Variants in SDC2 observed in about 807,000 individuals in gnomAD.
The protein encoded by SDC2 is syndecan 2.
Under a neutral mutation model 22.2 loss-of-function variants are expected in SDC2, and 13 were observed. That is an observed-to-expected ratio of 0.59 (90% CI 0.38 to 0.93). SDC2 has a LOEUF of 0.93. SDC2 is among the 40% of genes least tolerant of loss of function. The pLI is 0.00. For synonymous variants in SDC2, 94 were observed against 92.8 expected (o/e 1.01, Z -0.07); for missense variants, 235 against 246.8 (o/e 0.95, Z 0.32).
chr8:96,593,333 C>T lies in SDC2; in HGVS notation c.61-147C>T, dbSNP rs928945285. 8.4e-6 allele frequency: 5 copies of T among 594,444 alleles called. No individual in the cohort carries two copies. In the Admixed American group the frequency reaches 1.4e-4, roughly 17 times the overall value. The allele number at this position is 594,444 out of a possible 1,614,324, so 36.8% of individuals were successfully genotyped here. On this transcript the variant is annotated intron_variant, in intron 1 of 4. Transcript: ENST00000302190. ...AATTGCTGTTAAGTTGTCAGGGTGC[C>T]TGAGGAAGACTGTGGCCAGAGATGT...
At chr8:96,523,280 C>T (rs951240731) in intron 1 of SDC2, among the ~76,000 whole-genome samples, 1 of 152,138 alleles carries the variant, frequency 6.6e-6, no homozygotes. Context: ...TTAAGCTAAA[C>T]CACGAAGTTA....
intron 1 of SDC2, among the ~76,000 whole-genome samples, chr8:96,502,846 C>T (rs1488699517): frequency 6.6e-6 from 1 of 152,130 alleles, no homozygotes; most frequent in Non-Finnish European, 1.5e-5. Context: ...AGGGAATGTC[C>T]ATGCGTTGTG....
rs116752409 is a variant in SDC2, at chr8:96,519,037, C to A, written c.60+24706C>A. Among the ~76,000 whole-genome samples, 467 of 152,286 alleles carry A rather than the reference C, an allele frequency of 3.1e-3. 7 individuals carry two copies. Among genetic ancestry groups the A allele is most frequent in the African/African-American group, 0.011 (449 of 41,562 alleles). ...AAATCCAGCCTACGCTCAACAAAAT[C>A]CATCCAGACACTCCCACTACAGAGC... On this transcript the variant is annotated intron_variant, in intron 1 of 4. Coordinates refer to ENST00000302190, the MANE Select transcript of SDC2 (RefSeq NM_002998.4).
intron 1 of SDC2, among the ~76,000 whole-genome samples, chr8:96,498,747 C>G (rs1813114311): frequency 6.6e-6 from 1 of 152,224 alleles, no homozygotes; most frequent in Non-Finnish European, 1.5e-5. Context: ...GCCTCGGCCA[C>G]CCAAAGTGCT....
intron 1 of SDC2, among the ~76,000 whole-genome samples, chr8:96,520,183 C>G (rs111471093): frequency 5.6e-4 from 86 of 152,248 alleles, no homozygotes; most frequent in African/African-American, 2.0e-3. Flanking sequence ...TTGTAAAAAG[C>G]TCTCTTGAAT....
chr8:96,522,992 T>A (rs1041806669), intron 1 of SDC2, among the ~76,000 whole-genome samples: 3 of 152,300 alleles, frequency 2.0e-5, no homozygotes, highest in African/African-American at 7.2e-5. Context: ...GCTTGTTACT[T>A]GGCGTTTGGA....
intron 1 of SDC2, among the ~76,000 whole-genome samples, chr8:96,539,930 G>GC (rs1471860122): frequency 4.6e-5 from 7 of 152,118 alleles, no homozygotes; most frequent in Non-Finnish European, 1.0e-4. Flanking sequence ...CCACAGAAGG[G>GC]AACCTGCTTG....
At chr8:96,587,120 C>T (rs1030142130) in intron 1 of SDC2, among the ~76,000 whole-genome samples, 4 of 152,134 alleles carry the variant, frequency 2.6e-5, no homozygotes, top group African/African-American at 9.7e-5. Context: ...GACGGGGTTT[C>T]ACCGTCTTGG....
intron 1 of SDC2, among the ~76,000 whole-genome samples, chr8:96,503,406 A>G (rs1290814023): frequency 6.6e-6 from 1 of 152,158 alleles, no homozygotes; most frequent in Non-Finnish European, 1.5e-5. Context: ...AAACTATAGT[A>G]CACAAAAAGT....
In SDC2 at chr8:96,576,374, G is replaced by GTTTTTTTTTTTTTTTTTTTT. The variant is rs1225034584; in HGVS notation, c.61-17102_61-17101insTTTTTTTTTTTTTTTTTTTT. Among the ~76,000 whole-genome samples, 7 of 40,634 alleles carry GTTTTTTTTTTTTTTTTTTTT rather than the reference G, an allele frequency of 1.7e-4. 1 individual carries two copies. Among genetic ancestry groups the GTTTTTTTTTTTTTTTTTTTT allele is most frequent in the Non-Finnish European group, 3.4e-4 (7 of 20,838 alleles). The allele number at this position is 40,634 out of a possible 152,430, so 26.7% of individuals were successfully genotyped here. A position where few individuals can be genotyped will look rare whatever the true frequency, so the allele number is the denominator to read the frequency against. On this transcript the variant is annotated intron_variant, in intron 1 of 4. Coordinates refer to ENST00000302190, the MANE Select transcript of SDC2 (RefSeq NM_002998.4). Reference sequence around the variant, plus strand: ...GTTCAATAATTGGTAGTTTGTTTTTGTTTTGTTTTGTTTTTTTTTACCAGA... The same window carrying GTTTTTTTTTTTTTTTTTTTT: ...GTTCAATAATTGGTAGTTTGTTTTTGTTTTTTTTTTTTTTTTTTTTTTTTGTTTTGTTTTTTTTTACCAGA...
rs373350363 is a variant in SDC2 at position 96,530,391 on chromosome 8, T to C, written c.60+36060T>C. Among the ~76,000 whole-genome samples, 51 of 152,336 alleles carry C rather than the reference T, an allele frequency of 3.3e-4. 3 individuals are homozygous for C. Among genetic ancestry groups the C allele is most frequent in the East Asian group, 2.5e-3 (13 of 5,186 alleles). ...GCTCACGCCTGTAATCCCAGCACTT[T>C]GGGAGGCCCAGGCAGGTGCATCACC... On this transcript the variant is annotated intron_variant, in intron 1 of 4. Coordinates refer to ENST00000302190, the MANE Select transcript of SDC2 (RefSeq NM_002998.4).
At position 96,507,768 on chromosome 8, in the gene SDC2, A is replaced by G. The variant is rs1169550675; in HGVS notation, c.60+13437A>G. 2.6e-5 allele frequency among the ~76,000 whole-genome samples: 4 copies of G among 152,356 alleles called. No homozygotes were observed. The East Asian group carries it at 5.8e-4, about 22-fold the overall frequency. ...TGCTAAAAATATGTCAGTGCCTTCC[A>G]GGAGAGAGTCTGATGCACTTACAGC... On this transcript the variant is annotated intron_variant, in intron 1 of 4. Transcript: ENST00000302190.
At chr8:96,559,347 G>T (rs1814170314) in intron 1 of SDC2, among the ~76,000 whole-genome samples, 1 of 152,184 alleles carries the variant, frequency 6.6e-6, no homozygotes, top group Non-Finnish European at 1.5e-5. Flanking sequence ...TGAAGAGGGT[G>T]ACCGACCTTG....
intron 1 of SDC2, among the ~76,000 whole-genome samples, chr8:96,551,832 A>T (rs1814032602): frequency 6.6e-6 from 1 of 152,046 alleles, no homozygotes; most frequent in Admixed American, 6.6e-5. Context: ...TCTTGTTCCC[A>T]TTACCCTTTT....
intron 1 of SDC2, among the ~76,000 whole-genome samples, chr8:96,593,033 T>C (rs905103444): frequency 1.3e-5 from 2 of 152,226 alleles, no homozygotes; most frequent in African/African-American, 4.8e-5. Context: ...GATGGATCCC[T>C]GGGTGATTAT....
chr8:96,501,734 G>A (rs1168518183), intron 1 of SDC2, among the ~76,000 whole-genome samples: 1 of 152,162 alleles, frequency 6.6e-6, no homozygotes, highest in Non-Finnish European at 1.5e-5. Context: ...TAATCCCTGT[G>A]AGACCTCAGT....
chr8:96,535,020 T>C (rs909658708), intron 1 of SDC2, among the ~76,000 whole-genome samples: 3 of 151,866 alleles, frequency 2.0e-5, no homozygotes, highest in African/African-American at 7.3e-5. Context: ...TTTTTTTTTT[T>C]CGAGTCAGAG....
At chr8:96,549,449 T>G (rs1259430558) in intron 1 of SDC2, among the ~76,000 whole-genome samples, 1 of 152,176 alleles carries the variant, frequency 6.6e-6, no homozygotes, top group African/African-American at 2.4e-5. Flanking sequence ...TCTTTATCTT[T>G]GAGAACTGTC....
Position 96,494,123 on chromosome 8 carries a change from C to G in SDC2, c.-149C>G. ...GGAGGAGGAAGCGAGCGCCCCCGAG[C>G]CCCGAGCCCGAGTCCCCGAGCCTGA... On this transcript the variant is annotated 5_prime_UTR_variant, in exon 1 of 5. Transcript: ENST00000302190. The G allele has an allele frequency of 1.4e-6, 1 of 739,930 alleles. No individual in the cohort carries two copies. The highest frequency in any genetic ancestry group is 2.1e-6 in the Non-Finnish European group (1 of 475,080). The allele number at this position is 739,930 out of a possible 1,614,324, so 45.8% of individuals were successfully genotyped here.
Sources: allele counts gnomAD v4.1 joint callset (sites outside exome capture counted in the v4.1 genomes callset), GRCh38; gene constraint gnomAD v4.1.1; transcripts MANE v1.5; gene names NCBI Gene and HGNC (gene_info 2026-07-23, HGNC 2026-07-21).